Variants in CYTH1 observed in about 807,000 individuals in gnomAD.
CYTH1 encodes cytohesin 1, also known as cytohesin-1.
A neutral mutation model predicts 61.8 loss-of-function variants in CYTH1; 18 were observed. That is an observed-to-expected ratio of 0.29 (90% CI 0.20 to 0.43). CYTH1 has a LOEUF of 0.43. Among genes scored for constraint, CYTH1 ranks in the 20% least tolerant of loss-of-function variants. The pLI, the probability that CYTH1 is intolerant of heterozygous loss-of-function variation, is 1.00. For missense variants in CYTH1, 336 were observed against 510.5 expected (o/e 0.66, Z 3.29); for synonymous variants, 174 against 184.3 (o/e 0.94, Z 0.45).
At chr17:78,740,133 A>G (rs1598899615) in intron 1 of CYTH1, among the ~76,000 whole-genome samples, 1 of 152,208 alleles carries the variant, frequency 6.6e-6, no homozygotes, top group East Asian at 1.9e-4. Flanking sequence ...GCGGGGTTTC[A>G]CCATGTTGGC....
chr17:78,691,066 C>A (rs986216309), intron 11 of CYTH1, among the ~76,000 whole-genome samples: 5 of 152,188 alleles, frequency 3.3e-5, no homozygotes, highest in African/African-American at 1.2e-4. Context: ...CAGAAAGCAG[C>A]TTTCTTTTTA....
rs60241068 is a variant in CYTH1 at position 78,683,655 on chromosome 17, A to C, written c.892-2613T>G. 6.0e-3 allele frequency among the ~76,000 whole-genome samples: 916 copies of C among 152,366 alleles called. 44 individuals carry two copies. The East Asian group carries it at 0.12, about 20-fold the overall frequency. On this transcript the variant is annotated intron_variant, in intron 11 of 13. Coordinates refer to ENST00000446868, the MANE Select transcript of CYTH1 (RefSeq NM_004762.6). ...TCTGGGGAAAATGCCCCCACCTTCA[A>C]CTGGGCCTAGAGTCCCTCATCCAGA...
At chr17:78,727,384 A>G (rs1678706590) in intron 1 of CYTH1, among the ~76,000 whole-genome samples, 1 of 152,208 alleles carries the variant, frequency 6.6e-6, no homozygotes, top group South Asian at 2.1e-4. Flanking sequence ...TCTTTAGTAA[A>G]TGCTAGGAGC....
At chr17:78,718,229 A>ACACACG (rs2093199317) in intron 1 of CYTH1, among the ~76,000 whole-genome samples, 1 of 140,892 alleles carries the variant, frequency 7.1e-6, no homozygotes, top group Non-Finnish European at 1.6e-5. Flanking sequence ...ACACACACAC[A>ACACACG]CACACACACA....
Position 78,782,238 on chromosome 17 carries a change from G to A in CYTH1, c.-15C>T, listed in dbSNP as rs1160794163. On this transcript the variant is annotated 5_prime_UTR_variant, in exon 1 of 14. Transcript: ENST00000446868. The stretch of plus-strand genomic sequence containing the variant: ...TCCTCCTCCATGGTGCGGGAGCCGG[G>A]CTCCGCGCTCCGGCTCGCCGCTCGC... The A allele has an allele frequency of 1.5e-6, 2 of 1,303,496 alleles. No homozygotes were observed. Among genetic ancestry groups the A allele is most frequent in the Non-Finnish European group, 9.9e-7 (1 of 1,011,370 alleles). The allele number at this position is 1,303,496 out of a possible 1,614,324, so 80.7% of individuals were successfully genotyped here. A position where few individuals can be genotyped will look rare whatever the true frequency, so the allele number is the denominator to read the frequency against.
intron 10 of CYTH1, 94 bp downstream of exon 10, chr17:78,695,912 TA>T: frequency 7.4e-7 from 1 of 1,356,832 alleles, no homozygotes; most frequent in East Asian, 4.6e-5. Context: ...CACCGGCAAT[TA>T]AAAAACAAAA....
chr17:78,707,948 G>A (rs1182772059), intron 3 of CYTH1, among the ~76,000 whole-genome samples: 2 of 152,018 alleles, frequency 1.3e-5, no homozygotes, highest in Admixed American at 6.6e-5. Flanking sequence ...CAAAGTGCTG[G>A]GATTACAGCC....
intron 8 of CYTH1, 121 bp from the exon 9 acceptor site, chr17:78,698,501 T>C (rs187554934): frequency 7.8e-5 from 62 of 795,412 alleles, no homozygotes; most frequent in Non-Finnish European, 1.2e-4. Context: ...TGCTAGATGC[T>C]GAGACTAGAA....
At chr17:78,775,927 G>C (rs560618458) in intron 1 of CYTH1, among the ~76,000 whole-genome samples, 3 of 152,228 alleles carry the variant, frequency 2.0e-5, no homozygotes, top group Non-Finnish European at 4.4e-5. Context: ...GGCTGAAGTG[G>C]GCAAATCACC....
chr17:78,733,871 G>A (rs1188179544), intron 1 of CYTH1, among the ~76,000 whole-genome samples: 1 of 152,256 alleles, frequency 6.6e-6, no homozygotes, highest in Non-Finnish European at 1.5e-5. Context: ...CCTGAAGGGG[G>A]CTTAGTGTCT....
chr17:78,772,069 C>G (rs2093473515), intron 1 of CYTH1, among the ~76,000 whole-genome samples: 1 of 152,190 alleles, frequency 6.6e-6, no homozygotes, highest in Non-Finnish European at 1.5e-5. Flanking sequence ...ATGATTGCAA[C>G]TGAAACTAAA....
intron 1 of CYTH1, among the ~76,000 whole-genome samples, chr17:78,725,268 T>C (rs1472070455): frequency 6.6e-6 from 1 of 152,194 alleles, no homozygotes; most frequent in African/African-American, 2.4e-5. Context: ...AGTTTACCCA[T>C]ATTAACCATC....
At chr17:78,782,057 G>A (rs181614987) in intron 1 of CYTH1, 145 bp downstream of exon 1, 1 of 682,718 alleles carries the variant, frequency 1.5e-6, no homozygotes, top group Non-Finnish European at 1.9e-6. Context: ...CCCGCGCACC[G>A]CTCGCCCGCC....
At chr17:78,715,701 G>A (rs949101614) in intron 1 of CYTH1, among the ~76,000 whole-genome samples, 1 of 152,162 alleles carries the variant, frequency 6.6e-6, no homozygotes, top group African/African-American at 2.4e-5. Flanking sequence ...CATGCCCCCC[G>A]AGTGGTGTCC....
At chr17:78,711,154 C>CG (rs2093125420) in intron 1 of CYTH1, among the ~76,000 whole-genome samples, 2 of 151,492 alleles carry the variant, frequency 1.3e-5, no homozygotes, top group Non-Finnish European at 2.9e-5. Context: ...CCCAGCTACT[C>CG]GGGAGGCTGA....
intron 1 of CYTH1, among the ~76,000 whole-genome samples, chr17:78,777,925 A>G (rs1415194813): frequency 6.6e-6 from 1 of 152,166 alleles, no homozygotes; most frequent in Admixed American, 6.5e-5. Flanking sequence ...GGACAGGGAC[A>G]GGGACAGAGG....
At chr17:78,687,998 A>AACAG (rs1267715932) in intron 11 of CYTH1, among the ~76,000 whole-genome samples, 1 of 152,208 alleles carries the variant, frequency 6.6e-6, no homozygotes, top group Non-Finnish European at 1.5e-5. Context: ...GGGCTGCATG[A>AACAG]ACAGACCTGA....
chr17:78,742,918 G>A lies in CYTH1; in HGVS notation c.23-33186C>T, dbSNP rs138836094. Among the ~76,000 whole-genome samples, 11 of 152,296 alleles carry A rather than the reference G, an allele frequency of 7.2e-5. No homozygotes were observed. In the East Asian group the frequency reaches 1.3e-3, roughly 19 times the overall value. On this transcript the variant is annotated intron_variant, in intron 1 of 13. Transcript: ENST00000446868. ...TAGCCTAGCCACAGCTAAATGCACA[G>A]TGTGGATTATCATTTAAAACACACG... is the stretch of plus-strand genomic sequence containing the variant.
intron 9 of CYTH1, 96 bp downstream of exon 9, chr17:78,698,173 G>T: frequency 9.9e-7 from 1 of 1,007,664 alleles, no homozygotes; most frequent in Non-Finnish European, 1.5e-6. Flanking sequence ...GCACAAACAC[G>T]CACACGCGCA....
Sources: allele counts gnomAD v4.1 joint callset (sites outside exome capture counted in the v4.1 genomes callset), GRCh38; gene constraint gnomAD v4.1.1; transcripts MANE v1.5; gene names NCBI Gene and HGNC (gene_info 2026-07-23, HGNC 2026-07-21).